The following PPP1R14C variants were observed in gnomAD, a reference collection of about 807,000 sequenced individuals.
PPP1R14C encodes the protein protein phosphatase 1 regulatory inhibitor subunit 14C.
Under a neutral mutation model 20.4 loss-of-function variants are expected in PPP1R14C, and 16 were observed. That is an observed-to-expected ratio of 0.78 (90% CI 0.53 to 1.19). The LOEUF is 1.19. Ranked by LOEUF, PPP1R14C falls within the 50% of genes most tolerant of loss-of-function variation. The pLI, the probability that PPP1R14C is intolerant of heterozygous loss-of-function variation, is 0.00. For synonymous variants in PPP1R14C, 91 were observed against 91.0 expected (o/e 1.00, Z 0.00); for missense variants, 211 against 220.1 (o/e 0.96, Z 0.26).
chr6:150,248,325 A>C (rs1778518921), intron 3 of PPP1R14C, among the ~76,000 whole-genome samples: 1 of 152,186 alleles, frequency 6.6e-6, no homozygotes, highest in East Asian at 1.9e-4. Flanking sequence ...ATTCTTGGTG[A>C]GGTTCAAGGA....
At chr6:150,146,670 A>G (rs1365244610) in intron 1 of PPP1R14C, among the ~76,000 whole-genome samples, 1 of 152,096 alleles carries the variant, frequency 6.6e-6, no homozygotes. Flanking sequence ...CTCTGCACAC[A>G]CCAGTGGTGA....
intron 3 of PPP1R14C, among the ~76,000 whole-genome samples, chr6:150,235,853 G>T (rs538879665): frequency 6.6e-6 from 1 of 152,184 alleles, no homozygotes; most frequent in Non-Finnish European, 1.5e-5. Context: ...AAGGTTCGTC[G>T]TACTCAGGGG....
chr6:150,149,046 C>A (rs1322727991), intron 1 of PPP1R14C, among the ~76,000 whole-genome samples: 2 of 151,618 alleles, frequency 1.3e-5, no homozygotes, highest in African/African-American at 4.9e-5. Context: ...GCCTGGGCAA[C>A]AGCCTGCCTC....
At chr6:150,229,180 C>G (rs1778263783) in intron 3 of PPP1R14C, among the ~76,000 whole-genome samples, 1 of 152,072 alleles carries the variant, frequency 6.6e-6, no homozygotes. Context: ...TAGTTATAAT[C>G]AAAAGTCCCC....
intron 3 of PPP1R14C, among the ~76,000 whole-genome samples, chr6:150,230,201 A>G (rs941069684): frequency 6.6e-6 from 1 of 152,042 alleles, no homozygotes; most frequent in Admixed American, 6.5e-5. Context: ...ACTCATCTAA[A>G]CTTTGGGCAT....
At chr6:150,237,152 G>A (rs1778371581) in intron 3 of PPP1R14C, among the ~76,000 whole-genome samples, 3 of 152,038 alleles carry the variant, frequency 2.0e-5, no homozygotes, top group South Asian at 2.1e-4. Flanking sequence ...GGCGGGGGTG[G>A]GGCAGGGGGG....
At chr6:150,220,897 C>T (rs886137946) in intron 3 of PPP1R14C, among the ~76,000 whole-genome samples, 2 of 152,092 alleles carry the variant, frequency 1.3e-5, no homozygotes, top group African/African-American at 2.4e-5. Flanking sequence ...GGTTTCTATA[C>T]GGAGGGTCAG....
intron 3 of PPP1R14C, among the ~76,000 whole-genome samples, chr6:150,242,987 T>C (rs1052359714): frequency 1.3e-5 from 2 of 152,168 alleles, no homozygotes; most frequent in Non-Finnish European, 2.9e-5. Flanking sequence ...ACAATATTTG[T>C]ACACTGGAAA....
At chr6:150,187,232 G>T (rs1371221723) in intron 1 of PPP1R14C, among the ~76,000 whole-genome samples, 1 of 143,176 alleles carries the variant, frequency 7.0e-6, no homozygotes, top group Non-Finnish European at 1.5e-5. Context: ...TGCCCACCTT[G>T]GCCTTTCTCT....
intron 3 of PPP1R14C, among the ~76,000 whole-genome samples, chr6:150,229,742 AT>A (rs1464024753): frequency 1.3e-5 from 2 of 152,228 alleles, no homozygotes; most frequent in African/African-American, 4.8e-5. Flanking sequence ...GACAGAAGTC[AT>A]TTTAACAACA....
At chr6:150,236,127 G>A (rs949826125) in intron 3 of PPP1R14C, among the ~76,000 whole-genome samples, 4 of 152,152 alleles carry the variant, frequency 2.6e-5, no homozygotes, top group African/African-American at 7.2e-5. Context: ...TTAACCTACG[G>A]TTTGAATCTT....
intron 1 of PPP1R14C, among the ~76,000 whole-genome samples, chr6:150,174,743 T>C (rs903720051): frequency 2.6e-5 from 4 of 151,334 alleles, no homozygotes; most frequent in Non-Finnish European, 4.4e-5. Flanking sequence ...GGTGGACGGA[T>C]CACAAGGTCA....
chr6:150,195,776 C>T (rs536797489), intron 1 of PPP1R14C: 114 of 948,170 alleles, frequency 1.2e-4, no homozygotes, highest in East Asian at 3.5e-4. Context: ...ATTCATCTCC[C>T]GAACTTTCTC....
intron 1 of PPP1R14C, among the ~76,000 whole-genome samples, chr6:150,212,354 T>C (rs147842184): frequency 1.7e-3 from 261 of 152,074 alleles, no homozygotes; most frequent in African/African-American, 5.7e-3. Flanking sequence ...ATCTCAGGGG[T>C]TGGGGAAAAT....
At chr6:150,241,653 G>A (rs1431675831) in intron 3 of PPP1R14C, among the ~76,000 whole-genome samples, 3 of 152,278 alleles carry the variant, frequency 2.0e-5, no homozygotes, top group African/African-American at 7.2e-5. Flanking sequence ...TTGGGAGGCC[G>A]AGGTGGGCGG....
intron 1 of PPP1R14C, among the ~76,000 whole-genome samples, chr6:150,198,505 A>G (rs572996876): frequency 1.3e-5 from 2 of 152,358 alleles, no homozygotes; most frequent in Admixed American, 1.3e-4. Flanking sequence ...ATTCCTTGAC[A>G]TTTTGACCAG....
intron 3 of PPP1R14C, among the ~76,000 whole-genome samples, chr6:150,246,962 A>T (rs374997053): frequency 1.3e-5 from 2 of 152,252 alleles, no homozygotes; most frequent in South Asian, 4.1e-4. Context: ...AGAAGAAAAT[A>T]TATTAATAGC....
Position 150,143,288 on chromosome 6 carries a change from C to T in PPP1R14C, c.96C>T (p.Gly32=), listed in dbSNP as rs778892601. The T allele has an allele frequency of 7.8e-6, 12 of 1,546,594 alleles. No individual in the cohort carries two copies. The highest frequency in any genetic ancestry group is 1.2e-5 in the South Asian group (1 of 85,002). Residue 32 remains glycine (G), a synonymous_variant, in exon 1 of 4, where the codon GGC becomes GGT. Coordinates refer to ENST00000361131, the MANE Select transcript of PPP1R14C (RefSeq NM_030949.3). The surrounding 1 kb of genome is among the most constrained non-coding windows in gnomAD (Gnocchi z 5.6). ...AAAGCCCCCGGGGTGGCGCCGGTGG[C>T]AGCCCCGGCTCCAGCAGCGGCTCAG... ...FFQSPRGGAG[G]SPGSSSGSGS...
chr6:150,208,948 C>T, intron 1 of PPP1R14C, among the ~76,000 whole-genome samples: 1 of 152,178 alleles, frequency 6.6e-6, no homozygotes, highest in East Asian at 1.9e-4. Flanking sequence ...ATAGACAGCT[C>T]ACATAGTCCC....
Sources: allele counts gnomAD v4.1 joint callset (sites outside exome capture counted in the v4.1 genomes callset), GRCh38; gene constraint gnomAD v4.1.1; non-coding constraint Gnocchi (gnomAD v3.1); transcripts MANE v1.5; gene names NCBI Gene and HGNC (gene_info 2026-07-23, HGNC 2026-07-21).